SYNCRIP: variants seen among roughly 807,000 people sequenced by gnomAD.
The protein encoded by SYNCRIP is heterogeneous nuclear ribonucleoprotein Q.
A neutral mutation model predicts 68.9 loss-of-function variants in SYNCRIP; 9 were observed. That is an observed-to-expected ratio of 0.13 (90% confidence interval 0.08 to 0.23). SYNCRIP has a LOEUF of 0.23. SYNCRIP is among the 10% of genes least tolerant of loss of function. SYNCRIP has a pLI of 1.00. For synonymous variants in SYNCRIP, 258 were observed against 254.0 expected, an observed-to-expected ratio of 1.02 and a Z score of -0.15; for missense variants, 414 against 770.6, an observed-to-expected ratio of 0.54 and a Z score of 5.48.
At chr6:85,629,799 G>T (rs1365249075) in intron 6 of SYNCRIP, among the ~76,000 whole-genome samples, 2 of 151,780 alleles carry the variant, frequency 1.3e-5, no homozygotes, top group African/African-American at 4.8e-5. Flanking sequence ...TCCAGCCTGG[G>T]CAACAAGGCG....
chr6:85,627,125 G>A (rs748281509), intron 6 of SYNCRIP, among the ~76,000 whole-genome samples: 8 of 151,936 alleles, frequency 5.3e-5, no homozygotes, highest in African/African-American at 1.5e-4. Context: ...GAAATTAGCC[G>A]GGAGTGGTGG....
At chr6:85,615,410 T>C (rs1805658547) in intron 10 of SYNCRIP, 63 bp from the exon 11 acceptor site, 10 of 1,106,042 alleles carry the variant, frequency 9.0e-6, no homozygotes, top group South Asian at 5.9e-5. Flanking sequence ...AGTAGGCATT[T>C]AGCCATTTGT....
In SYNCRIP at chr6:85,618,264, G is replaced by A. The variant is rs1805999752; in HGVS notation, c.1280+554C>T. ...CAAAGAAAATATGTGAGATAGGCCA[G>A]GCATGGTGGCTCACAGCTGTAATCC... On this transcript the variant is annotated intron_variant, in intron 10 of 10. Transcript: ENST00000369622. Among the ~76,000 whole-genome samples the A allele has an allele frequency of 2.6e-5, 4 of 152,146 alleles. No individual in the cohort carries two copies. In the South Asian group the frequency reaches 8.3e-4, roughly 32 times the overall value.
At chr6:85,623,571 A>ACAAAAAAAAAAAAAAAAAAC (rs1354122072) in intron 7 of SYNCRIP, among the ~76,000 whole-genome samples, 3 of 147,876 alleles carry the variant, frequency 2.0e-5, no homozygotes, top group Non-Finnish European at 4.4e-5. Context: ...CCAAAAAAAA[A>ACAAAAAAAAAAAAAAAAAAC]AAAAAAAAAA....
chr6:85,639,127 G>C (rs868723472), intron 4 of SYNCRIP, among the ~76,000 whole-genome samples: 2 of 152,082 alleles, frequency 1.3e-5, no homozygotes, highest in Non-Finnish European at 2.9e-5. Flanking sequence ...AGAATTGCTC[G>C]AACCCGCGAG....
intron 6 of SYNCRIP, among the ~76,000 whole-genome samples, chr6:85,629,381 G>T (rs1344233882): frequency 6.6e-6 from 1 of 151,910 alleles, no homozygotes; most frequent in Non-Finnish European, 1.5e-5. Context: ...CACACTATTT[G>T]CTAAATTATT....
intron 6 of SYNCRIP, among the ~76,000 whole-genome samples, chr6:85,629,516 C>CAAAAAAAAAA (rs781083306): frequency 0.02 from 1,299 of 64,596 alleles, 2 homozygotes; most frequent in Middle Eastern, 0.049. Flanking sequence ...ACTAAAAATA[C>CAAAAAAAAAA]AAAAAAAAAA....
chr6:85,609,678 A>G (rs1291295876), downstream of SYNCRIP: 2 of 152,002 alleles, frequency 1.3e-5, no homozygotes, highest in African/African-American at 2.4e-5. Context: ...CAACTTTCTG[A>G]AAACTGATAA....
chr6:85,637,679 A>C (rs966271122), intron 4 of SYNCRIP, among the ~76,000 whole-genome samples: 12 of 152,224 alleles, frequency 7.9e-5, no homozygotes, highest in African/African-American at 2.9e-4. Context: ...TGTTAATACC[A>C]TCTTAAAAAA....
intron 6 of SYNCRIP, among the ~76,000 whole-genome samples, chr6:85,630,505 G>C (rs1002442415): frequency 6.6e-6 from 1 of 152,130 alleles, no homozygotes; most frequent in Non-Finnish European, 1.5e-5. Context: ...ACCAGCCTTG[G>C]GCTCCAATTC....
intron 7 of SYNCRIP, among the ~76,000 whole-genome samples, chr6:85,623,412 A>T (rs1025312135): frequency 4.0e-5 from 6 of 151,744 alleles, no homozygotes. Flanking sequence ...AAAGACGCAA[A>T]AATTAGCCAG....
At position 85,614,519 on chromosome 6, in the gene SYNCRIP, T is replaced by C; in HGVS notation, c.*237A>G. ...AATTTTCTCAAGCACAAATGCAAAC[T>C]CATTAACTATTTCTTTCAGTATCTA... On this transcript the variant is annotated 3_prime_UTR_variant, in exon 11 of 11. Coordinates refer to ENST00000369622, the MANE Select transcript of SYNCRIP (RefSeq NM_006372.5). The C allele has an allele frequency of 8.2e-7, 1 of 1,222,018 alleles. No homozygotes were observed. Among genetic ancestry groups the C allele is most frequent in the Non-Finnish European group, 1.0e-6 (1 of 980,746 alleles). 75.7% of individuals were successfully genotyped at this position (1,222,018 alleles called of 1,614,324 possible). A position where few individuals can be genotyped will look rare whatever the true frequency, so the allele number is the denominator to read the frequency against.
rs565460898 is a variant in SYNCRIP at position 85,621,144 on chromosome 6, C to G, written c.1008+1338G>C. The stretch of plus-strand genomic sequence containing the variant: ...TGAATGTGTTAATCTAAAGTGCTAA[C>G]CCAATGAGAATTTATAGGCCAGAGG... On this transcript the variant is annotated intron_variant, in intron 8 of 10. Coordinates refer to ENST00000369622, the MANE Select transcript of SYNCRIP (RefSeq NM_006372.5). Among the ~76,000 whole-genome samples the G allele has an allele frequency of 1.4e-4, 22 of 152,316 alleles. 1 individual carries two copies. The South Asian group carries it at 4.6e-3, about 32-fold the overall frequency.
intron 6 of SYNCRIP, among the ~76,000 whole-genome samples, chr6:85,635,313 C>G (rs1188998568): frequency 4.6e-5 from 7 of 152,148 alleles, no homozygotes; most frequent in Non-Finnish European, 8.8e-5. Context: ...AAACACAAAG[C>G]ACTCTTTTAT....
At chr6:85,635,628 G>GGTGT (rs1808346440) in intron 6 of SYNCRIP, among the ~76,000 whole-genome samples, 1 of 151,886 alleles carries the variant, frequency 6.6e-6, no homozygotes, top group African/African-American at 2.4e-5. Context: ...AATTTAGCCA[G>GGTGT]GTGTGGTGAT....
At chr6:85,608,932 T>C (rs1436782647) in exon 12 of SYNCRIP, 1 of 151,990 alleles carries the variant, frequency 6.6e-6, no homozygotes, top group Non-Finnish European at 1.5e-5. Flanking sequence ...AGTTAAAAAA[T>C]GCCTGTGAGC....
chr6:85,637,810 A>G (rs1284200712), intron 4 of SYNCRIP, among the ~76,000 whole-genome samples: 1 of 152,226 alleles, frequency 6.6e-6, no homozygotes, highest in African/African-American at 2.4e-5. Flanking sequence ...CCTCAGAAGA[A>G]ATTACACTTC....
At chr6:85,612,006 G>A (rs1286474789), downstream of SYNCRIP, 1 of 152,120 alleles carries the variant, frequency 6.6e-6, no homozygotes, top group African/African-American at 2.4e-5. Context: ...GTAACATCTT[G>A]CTAAACTATT....
intron 6 of SYNCRIP, among the ~76,000 whole-genome samples, chr6:85,625,705 C>T (rs1244233682): frequency 1.3e-5 from 2 of 152,062 alleles, no homozygotes; most frequent in Non-Finnish European, 2.9e-5. Context: ...TTTTATACTC[C>T]TATGGCTCTG....
Sources: gnomAD v4.1 joint callset for allele counts (sites outside exome capture counted in the v4.1 genomes callset) on GRCh38, gnomAD v4.1.1 for gene constraint, MANE v1.5 for transcripts, NCBI Gene and HGNC (gene_info 2026-07-23, HGNC 2026-07-21) for gene names.